Variants in METTL15 observed in about 807,000 individuals in gnomAD.
METTL15 encodes the protein methyltransferase 15, mitochondrial 12S rRNA N4-cytidine.
METTL15 carries 34 observed loss-of-function variants against 38.3 expected under a neutral mutation model. The ratio of observed to expected loss-of-function variants is 0.89; its 90% confidence interval spans 0.68 to 1.18. METTL15 has a LOEUF of 1.18. Ranked by LOEUF, METTL15 falls within the 50% of genes most tolerant of loss-of-function variation. The pLI, the probability that METTL15 is intolerant of heterozygous loss-of-function variation, is 0.00. For missense variants in METTL15, 438 were observed against 498.4 expected (o/e 0.88, Z 1.15); for synonymous variants, 162 against 170.9 (o/e 0.95, Z 0.41).
chr11:28,351,764 T>A (rs1850043632), intron 3 of METTL15, among the ~76,000 whole-genome samples: 1 of 152,168 alleles, frequency 6.6e-6, no homozygotes, highest in Non-Finnish European at 1.5e-5. Context: ...GGCAGGAAAT[T>A]TACAACTGAG....
intron 3 of METTL15, among the ~76,000 whole-genome samples, chr11:28,199,408 A>T (rs901304289): frequency 6.6e-6 from 1 of 152,128 alleles, no homozygotes; most frequent in African/African-American, 2.4e-5. Context: ...TTCCAAGTTT[A>T]CTATAAATAA....
intron 3 of METTL15, among the ~76,000 whole-genome samples, chr11:28,210,436 A>C (rs1456290591): frequency 6.6e-6 from 1 of 151,826 alleles, no homozygotes; most frequent in African/African-American, 2.4e-5. Context: ...AGACATAGAT[A>C]CTTTGTGTCA....
chr11:28,239,352 A>G (rs2133901235), intron 4 of METTL15, among the ~76,000 whole-genome samples: 2 of 152,360 alleles, frequency 1.3e-5, no homozygotes, highest in African/African-American at 4.8e-5. Flanking sequence ...AAAAAAGCAT[A>G]CTAATCCTTT....
intron 3 of METTL15, among the ~76,000 whole-genome samples, chr11:28,205,527 T>A (rs1237577026): frequency 6.6e-6 from 1 of 152,172 alleles, no homozygotes; most frequent in Non-Finnish European, 1.5e-5. Flanking sequence ...TTGAGTTGGT[T>A]CCAGGTCTTT....
intron 6 of METTL15, among the ~76,000 whole-genome samples, chr11:28,486,652 T>A (rs1487364024): frequency 6.6e-6 from 1 of 152,186 alleles, no homozygotes; most frequent in Non-Finnish European, 1.5e-5. Context: ...TAACCTCTCA[T>A]TGTCTGTAGC....
intron 4 of METTL15, among the ~76,000 whole-genome samples, chr11:28,263,882 A>G (rs1264677548): frequency 1.3e-5 from 2 of 152,000 alleles, no homozygotes; most frequent in African/African-American, 2.4e-5. Context: ...GCCCTTTGCT[A>G]TGAACGTAAC....
intron 6 of METTL15, among the ~76,000 whole-genome samples, chr11:28,524,042 G>GA (rs1329326700): frequency 6.6e-6 from 1 of 152,202 alleles, no homozygotes; most frequent in Non-Finnish European, 1.5e-5. Flanking sequence ...TGTTGGGGTT[G>GA]AAAAATTATA....
intron 6 of METTL15, among the ~76,000 whole-genome samples, chr11:28,497,601 C>T (rs1851546345): frequency 6.6e-6 from 1 of 152,164 alleles, no homozygotes; most frequent in Non-Finnish European, 1.5e-5. Flanking sequence ...ATTTATTTCT[C>T]ACAATTCTAG....
intron 6 of METTL15, among the ~76,000 whole-genome samples, chr11:28,500,823 T>C (rs893322872): frequency 2.0e-5 from 3 of 152,132 alleles, no homozygotes; most frequent in Non-Finnish European, 4.4e-5. Flanking sequence ...GCACCCGGCT[T>C]TGAATGCTTT....
chr11:28,221,056 G>A (rs568816434), intron 4 of METTL15, among the ~76,000 whole-genome samples: 1 of 152,148 alleles, frequency 6.6e-6, no homozygotes, highest in Admixed American at 6.5e-5. Flanking sequence ...TGCTATTCTC[G>A]TGGAGTATCT....
At chr11:28,329,917 A>C (rs1849759124) in intron 6 of METTL15, among the ~76,000 whole-genome samples, 1 of 152,130 alleles carries the variant, frequency 6.6e-6, no homozygotes, top group Non-Finnish European at 1.5e-5. Flanking sequence ...CAGTGTGCTC[A>C]TAAAAAATTA....
intron 6 of METTL15, among the ~76,000 whole-genome samples, chr11:28,314,939 T>A (rs1463260276): frequency 6.6e-6 from 1 of 152,212 alleles, no homozygotes; most frequent in Non-Finnish European, 1.5e-5. Context: ...CCTTCTACTA[T>A]GATTGTGAGG....
intron 3 of METTL15, among the ~76,000 whole-genome samples, chr11:28,118,159 G>A (rs985453183): frequency 3.9e-5 from 6 of 152,062 alleles, no homozygotes; most frequent in Admixed American, 6.6e-5. Context: ...ATATCTGAAT[G>A]TATTTGAAGT....
At chr11:28,284,023 G>A (rs975066398) in intron 4 of METTL15, among the ~76,000 whole-genome samples, 1 of 152,104 alleles carries the variant, frequency 6.6e-6, no homozygotes, top group Non-Finnish European at 1.5e-5. Flanking sequence ...TTAGCCTAAC[G>A]TAATTGCATA....
At chr11:28,345,641 G>A (rs746737456) in intron 3 of METTL15, among the ~76,000 whole-genome samples, 3 of 152,146 alleles carry the variant, frequency 2.0e-5, no homozygotes, top group South Asian at 2.1e-4. Context: ...CAACCCTTAC[G>A]TATGAAGAAG....
At chr11:28,193,495 T>G (rs1046699551) in intron 3 of METTL15, among the ~76,000 whole-genome samples, 1 of 152,000 alleles carries the variant, frequency 6.6e-6, no homozygotes, top group African/African-American at 2.4e-5. Context: ...ACTAAACCAT[T>G]AGAAACCACT....
intron 4 of METTL15, among the ~76,000 whole-genome samples, chr11:28,354,436 A>G (rs1423970163): frequency 6.6e-6 from 1 of 152,188 alleles, no homozygotes; most frequent in Non-Finnish European, 1.5e-5. Flanking sequence ...GCATACTAAG[A>G]CAGAGAGGAA....
At chr11:28,279,756 C>T (rs973343728) in intron 4 of METTL15, among the ~76,000 whole-genome samples, 4 of 152,002 alleles carry the variant, frequency 2.6e-5, no homozygotes, top group Admixed American at 6.5e-5. Context: ...AAAAATTAGA[C>T]GGGCATCATG....
At chr11:28,133,299 T>TAGATGCC (rs1477416961) in intron 3 of METTL15, among the ~76,000 whole-genome samples, 1 of 152,220 alleles carries the variant, frequency 6.6e-6, no homozygotes, top group Non-Finnish European at 1.5e-5. Flanking sequence ...TGGCAGGGAA[T>TAGATGCC]AGATGCCTTA....
Sources: gnomAD v4.1 joint callset for allele counts (sites outside exome capture counted in the v4.1 genomes callset) on GRCh38, gnomAD v4.1.1 for gene constraint, MANE v1.5 for transcripts, NCBI Gene and HGNC (gene_info 2026-07-23, HGNC 2026-07-21) for gene names.